CEP112: variants seen among roughly 807,000 people sequenced by gnomAD.
CEP112 encodes centrosomal protein of 112 kDa.
CEP112 carries 127 observed loss-of-function variants against 153.0 expected under a neutral mutation model. The observed-to-expected ratio is 0.83, with a 90% CI of 0.72 to 0.96. CEP112 has a LOEUF of 0.96. Ranked by LOEUF, CEP112 falls within the 40% of genes least tolerant of loss-of-function variation. The pLI, the probability that CEP112 is intolerant of heterozygous loss-of-function variation, is 0.00. For missense variants in CEP112, 1,089 were observed against 1,101.2 expected (o/e 0.99, Z 0.16); for synonymous variants, 358 against 374.4 (o/e 0.96, Z 0.51).
intron 21 of CEP112, among the ~76,000 whole-genome samples, chr17:65,775,685 T>C (rs1278985158): frequency 3.3e-5 from 5 of 152,010 alleles, no homozygotes; most frequent in Non-Finnish European, 7.4e-5. Flanking sequence ...GTATTTTTAG[T>C]AGAGATGGCA....
At chr17:65,761,795 G>A (rs956395682) in intron 21 of CEP112, among the ~76,000 whole-genome samples, 4 of 152,004 alleles carry the variant, frequency 2.6e-5, no homozygotes, top group African/African-American at 4.8e-5. Context: ...GTTAAGATAC[G>A]TTTTATGGCC....
chr17:66,167,283 C>T (rs965411118), intron 4 of CEP112, among the ~76,000 whole-genome samples: 1 of 152,100 alleles, frequency 6.6e-6, no homozygotes, highest in South Asian at 2.1e-4. Flanking sequence ...CCCTGATGAA[C>T]TATTACAATA....
intron 4 of CEP112, among the ~76,000 whole-genome samples, chr17:66,153,929 G>C (rs2071316220): frequency 6.6e-6 from 1 of 151,296 alleles, no homozygotes; most frequent in South Asian, 2.1e-4. Flanking sequence ...TTGGGAGGCA[G>C]AGGTGGGTGG....
At chr17:66,007,954 C>T (rs2064344236) in intron 16 of CEP112, among the ~76,000 whole-genome samples, 1 of 151,990 alleles carries the variant, frequency 6.6e-6, no homozygotes, top group Admixed American at 6.6e-5. Flanking sequence ...TTCCTGTTTC[C>T]TAATTTTTTA....
intron 12 of CEP112, among the ~76,000 whole-genome samples, chr17:66,033,955 T>C (rs1274784533): frequency 6.6e-6 from 1 of 152,156 alleles, no homozygotes; most frequent in Admixed American, 6.5e-5. Flanking sequence ...TTTTTTCAAC[T>C]AAATGGTGAT....
intron 4 of CEP112, among the ~76,000 whole-genome samples, chr17:66,153,119 G>GT (rs913005886): frequency 5.9e-5 from 9 of 152,156 alleles, no homozygotes; most frequent in Non-Finnish European, 8.8e-5. Context: ...GGAACAGCCA[G>GT]TTTGGAAAAG....
intron 21 of CEP112, among the ~76,000 whole-genome samples, chr17:65,820,046 CA>C (rs1231982159): frequency 1.3e-5 from 2 of 151,962 alleles, no homozygotes; most frequent in African/African-American, 4.8e-5. Context: ...GGACATATGG[CA>C]ATTCCCTGTA....
Position 65,679,129 on chromosome 17 carries a change from C to CTTTTTTTTTT in CEP112, c.2697+9990_2697+9999dup, listed in dbSNP as rs57907674. ...AATGTCCTTGACACTGTGGTTCAAGCTTTTTTTTTTTTTTTTTTTTTTTTT... is the reference window on the plus strand; with the variant it reads ...AATGTCCTTGACACTGTGGTTCAAGCTTTTTTTTTTTTTTTTTTTTTTTTTTTTTTTTTTT... On this transcript the variant is annotated intron_variant, in intron 24 of 26. Transcript: ENST00000535342. 6.6e-4 allele frequency among the ~76,000 whole-genome samples: 21 copies of CTTTTTTTTTT among 31,630 alleles called. 6 individuals carry two copies. The highest frequency in any genetic ancestry group is 1.6e-3 in the Admixed American group (3 of 1,870). 20.8% of individuals were successfully genotyped at this position (31,630 alleles called of 152,430 possible). A position where few individuals can be genotyped will look rare whatever the true frequency, so the allele number is the denominator to read the frequency against.
intron 23 of CEP112, among the ~76,000 whole-genome samples, chr17:65,705,940 T>A (rs977809065): frequency 6.6e-6 from 1 of 152,104 alleles, no homozygotes; most frequent in Non-Finnish European, 1.5e-5. Flanking sequence ...TGAGAGGCAT[T>A]CTGAAATACA....
At chr17:66,005,928 A>AATACT (rs3055984) in intron 16 of CEP112, among the ~76,000 whole-genome samples, 159 bp from the exon 17 acceptor site, 62,065 of 151,610 alleles carry the variant, frequency 0.41, 14,111 homozygotes, top group East Asian at 0.87. Flanking sequence ...GAATGATTTC[A>AATACT]ATACTATACT....
intron 6 of CEP112, among the ~76,000 whole-genome samples, chr17:66,117,454 T>C (rs1334588021): frequency 1.3e-5 from 2 of 152,092 alleles, no homozygotes; most frequent in African/African-American, 4.8e-5. Flanking sequence ...TGACTCCTCA[T>C]GGAAAACAGC....
At chr17:66,081,267 G>A (rs1424223832) in intron 8 of CEP112, among the ~76,000 whole-genome samples, 2 of 152,084 alleles carry the variant, frequency 1.3e-5, no homozygotes, top group Non-Finnish European at 2.9e-5. Flanking sequence ...AATTTTCAAA[G>A]ATGCAGGTAT....
chr17:65,813,483 T>G (rs1040035022), intron 21 of CEP112, among the ~76,000 whole-genome samples: 5 of 152,170 alleles, frequency 3.3e-5, no homozygotes, highest in African/African-American at 9.7e-5. Context: ...TAGTGACCTA[T>G]CTGAGCCAAC....
chr17:65,686,274 G>A (rs1239574929), intron 24 of CEP112, among the ~76,000 whole-genome samples: 2 of 151,984 alleles, frequency 1.3e-5, no homozygotes, highest in Non-Finnish European at 2.9e-5. Context: ...AGGAATTAGT[G>A]TAAGAAATAT....
chr17:66,101,425 G>A (rs1025704447), intron 6 of CEP112, among the ~76,000 whole-genome samples: 9 of 151,876 alleles, frequency 5.9e-5, no homozygotes, highest in Non-Finnish European at 1.3e-4. Flanking sequence ...TTTTATCTTA[G>A]TTAAAAGATA....
At chr17:65,791,512 A>C (rs534295842) in intron 21 of CEP112, among the ~76,000 whole-genome samples, 79 of 152,356 alleles carry the variant, frequency 5.2e-4, no homozygotes, top group African/African-American at 1.8e-3. Flanking sequence ...AATTGATACA[A>C]AACACATGAT....
chr17:65,924,625 C>G (rs569815321), intron 19 of CEP112, among the ~76,000 whole-genome samples: 113 of 152,272 alleles, frequency 7.4e-4, no homozygotes, highest in Non-Finnish European at 1.4e-3. Flanking sequence ...CTGGTGGCAA[C>G]TCTTTTAAAA....
In CEP112 at chr17:65,807,477, TG is replaced by T. The variant is rs879457195; in HGVS notation, c.2394+44326del. ...AGCCAAATGTTAATAGCCAAGACAA[TG>T]GGGAAATGTCTCCAGGGCATGTTAA... On this transcript the variant is annotated intron_variant, in intron 21 of 26. Transcript: ENST00000535342. 4.1e-4 allele frequency among the ~76,000 whole-genome samples: 62 copies of T among 152,178 alleles called. 2 individuals carry two copies. The highest frequency in any genetic ancestry group is 4.4e-5 in the Non-Finnish European group (3 of 68,014).
intron 12 of CEP112, chr17:66,043,138 G>A (rs976728654): frequency 1.1e-5 from 10 of 894,800 alleles, no homozygotes; most frequent in East Asian, 1.2e-4. Flanking sequence ...TCAGACTGTC[G>A]CTGAATTTGA....
Sources: allele counts gnomAD v4.1 joint callset (sites outside exome capture counted in the v4.1 genomes callset), GRCh38; gene constraint gnomAD v4.1.1; transcripts MANE v1.5; gene names NCBI Gene and HGNC (gene_info 2026-07-23, HGNC 2026-07-21).